Variants in DARS1 observed in about 807,000 individuals in gnomAD.
The protein encoded by DARS1 is aspartyl-tRNA synthetase 1, also known as aspartate--tRNA ligase, cytoplasmic.
In DARS1, 51 loss-of-function variants were observed where a neutral mutation model predicts 68.8. The ratio of observed to expected loss-of-function variants is 0.74; its 90% CI spans 0.59 to 0.94. The LOEUF is 0.94. DARS1 is among the 40% of genes least tolerant of loss of function. DARS1 has a pLI of 0.00. For missense variants in DARS1, 607 were observed against 597.3 expected (o/e 1.02, Z -0.17); for synonymous variants, 203 against 190.4 (o/e 1.07, Z -0.55).
At chr2:135,924,326 A>ATATT (rs1395997688) in intron 8 of DARS1, 61 bp downstream of exon 8, 7 of 1,462,544 alleles carry the variant, frequency 4.8e-6, no homozygotes, top group Admixed American at 3.0e-5. Flanking sequence ...TATTAATATA[A>ATATT]AGCAACTCTG....
At chr2:135,948,260 G>A (rs1681770485) in intron 4 of DARS1, among the ~76,000 whole-genome samples, 1 of 152,154 alleles carries the variant, frequency 6.6e-6, no homozygotes, top group African/African-American at 2.4e-5. Flanking sequence ...CAGTATAATG[G>A]CCTTGCCTAC....
intron 4 of DARS1, among the ~76,000 whole-genome samples, chr2:135,946,935 C>T (rs1457354059): frequency 6.6e-6 from 1 of 152,138 alleles, no homozygotes; most frequent in Admixed American, 6.5e-5. Flanking sequence ...GCAGGCACCA[C>T]CACGCCCGGC....
intron 15 of DARS1, among the ~76,000 whole-genome samples, chr2:135,910,548 G>A (rs1038374380): frequency 6.6e-6 from 1 of 151,962 alleles, no homozygotes; most frequent in African/African-American, 2.4e-5. Flanking sequence ...TCTGCAAATG[G>A]ACATTAGTTT....
intron 6 of DARS1, 74 bp downstream of exon 6, chr2:135,933,836 G>A (rs1681405683): frequency 2.6e-6 from 4 of 1,524,682 alleles, no homozygotes; most frequent in Admixed American, 2.0e-5. Context: ...GACACCCTTA[G>A]TACATCAGGT....
At position 135,907,368 on chromosome 2, in the gene DARS1, TTATGCAA is replaced by T; in HGVS notation, c.1447_1453del (p.Leu483MetfsTer51). 6.3e-7 allele frequency: 1 copy of T among 1,582,368 alleles called. No individual in the cohort carries two copies. Among genetic ancestry groups the T allele is most frequent in the Non-Finnish European group, 8.6e-7 (1 of 1,160,790 alleles). ...AGGGAACATGGAGGTCTGACGAACA[TTATGCAA>T]TCCCAGAAACAGCATAGTAACTCGT... On this transcript the variant is annotated frameshift_variant, in exon 16 of 16. Coordinates refer to ENST00000264161, the MANE Select transcript of DARS1 (RefSeq NM_001349.4). LOFTEE classifies it high-confidence loss of function.
chr2:135,931,021 T>C (rs1681329939), intron 7 of DARS1, among the ~76,000 whole-genome samples: 1 of 152,216 alleles, frequency 6.6e-6, no homozygotes, highest in Non-Finnish European at 1.5e-5. Context: ...AGGTGAAGTA[T>C]TTTTAATCAG....
chr2:135,964,311 T>A (rs1225209906), intron 3 of DARS1, among the ~76,000 whole-genome samples: 1 of 152,198 alleles, frequency 6.6e-6, no homozygotes, highest in East Asian at 1.9e-4. Flanking sequence ...TTCTGAACTT[T>A]CTACAATAAA....
chr2:135,909,543 C>T (rs1424943485), intron 15 of DARS1, among the ~76,000 whole-genome samples: 1 of 152,132 alleles, frequency 6.6e-6, no homozygotes, highest in Non-Finnish European at 1.5e-5. Context: ...AATGGATCTC[C>T]AGAACTTAAT....
intron 3 of DARS1, among the ~76,000 whole-genome samples, chr2:135,969,494 G>A (rs975900762): frequency 2.0e-5 from 3 of 151,792 alleles, no homozygotes; most frequent in Admixed American, 2.0e-4. Context: ...AAGTATTAAT[G>A]TATTATTTGA....
intron 4 of DARS1, among the ~76,000 whole-genome samples, chr2:135,954,766 G>T (rs543896464): frequency 2.4e-4 from 36 of 152,196 alleles, no homozygotes; most frequent in African/African-American, 8.4e-4. Flanking sequence ...GGTTTTCCAT[G>T]ACCTTTCATC....
Position 135,922,783 on chromosome 2 carries a change from C to G in DARS1, c.811+1G>C. ...ATAAAACATAACTGCCAAAATCTTA[C>G]CTGGTCCAATAGAGAAAACCTTCTC... On this transcript the variant is annotated splice_donor_variant, in intron 9 of 15. Transcript: ENST00000264161. LOFTEE classifies it high-confidence loss of function. The G allele has an allele frequency of 6.5e-7, 1 of 1,538,920 alleles. No individual in the cohort carries two copies.
chr2:135,911,333 G>T, intron 14 of DARS1, 49 bp downstream of exon 14: 1 of 856,508 alleles, frequency 1.2e-6, no homozygotes, highest in Non-Finnish European at 2.0e-6. Flanking sequence ...TGTTTACAAT[G>T]TATTATTTTC....
intron 3 of DARS1, among the ~76,000 whole-genome samples, chr2:135,968,728 C>A (rs1224357661): frequency 6.9e-6 from 1 of 145,304 alleles, no homozygotes. Context: ...GTGGTGCGAT[C>A]TCAGCTCACT....
At chr2:135,977,091 C>G (rs769367990) in intron 3 of DARS1, among the ~76,000 whole-genome samples, 1 of 152,106 alleles carries the variant, frequency 6.6e-6, no homozygotes, top group Admixed American at 6.5e-5. Context: ...ATAAGACCCA[C>G]AAAAAACTAC....
chr2:135,960,782 T>C (rs1214909298), intron 4 of DARS1, among the ~76,000 whole-genome samples: 1 of 152,190 alleles, frequency 6.6e-6, no homozygotes. Flanking sequence ...ACCACACTTC[T>C]ATCTCTATAT....
chr2:135,943,257 GTAAC>G (rs1193810882), intron 5 of DARS1, 117 bp downstream of exon 5: 7 of 1,346,702 alleles, frequency 5.2e-6, no homozygotes, highest in East Asian at 5.0e-5. Context: ...AATTGATTCA[GTAAC>G]TAATTTATAA....
chr2:135,909,476 A>AT (rs1680854044), intron 15 of DARS1, among the ~76,000 whole-genome samples: 1 of 152,148 alleles, frequency 6.6e-6, no homozygotes. Flanking sequence ...GCATACCTAT[A>AT]TTTTTTGTGG....
intron 3 of DARS1, among the ~76,000 whole-genome samples, chr2:135,965,454 C>T (rs535509575): frequency 1.3e-5 from 2 of 152,010 alleles, no homozygotes; most frequent in African/African-American, 4.8e-5. Flanking sequence ...TAAGTAAATA[C>T]CGTATAAGGA....
At chr2:135,939,802 G>A (rs374811321) in intron 5 of DARS1, among the ~76,000 whole-genome samples, 23,936 of 151,334 alleles carry the variant, frequency 0.16, 2,093 homozygotes, top group Middle Eastern at 0.39. Flanking sequence ...TCAAATAGAT[G>A]CAATAAAAAA....
Sources: allele counts gnomAD v4.1 joint callset (sites outside exome capture counted in the v4.1 genomes callset), GRCh38; gene constraint gnomAD v4.1.1; transcripts MANE v1.5; gene names NCBI Gene and HGNC (gene_info 2026-07-23, HGNC 2026-07-21).